SIGLEC9: variants seen among roughly 807,000 people sequenced by gnomAD.
SIGLEC9 encodes the protein sialic acid-binding Ig-like lectin 9.
In SIGLEC9, 26 loss-of-function variants were observed where a neutral mutation model predicts 38.3. That is an observed-to-expected ratio of 0.68 (90% confidence interval 0.50 to 0.94). SIGLEC9 has a LOEUF of 0.94. Among genes scored for constraint, SIGLEC9 ranks in the 40% least tolerant of loss-of-function variants. The pLI is 0.00. For missense variants in SIGLEC9, 556 were observed against 585.7 expected (o/e 0.95, Z 0.52); for synonymous variants, 236 against 248.0 (o/e 0.95, Z 0.45).
At position 51,128,395 on chromosome 19, in the gene SIGLEC9, C is replaced by T. The variant is rs201135231; in HGVS notation, c.1107-19C>T. ...CCCAATCTGACCACACTGAAAGGCT[C>T]TCTGGTCTCTTCACTCAGAGTGAGG... On this transcript the variant is annotated intron_variant, in intron 5 of 6. Transcript: ENST00000250360. The T allele has an allele frequency of 1.1e-5, 17 of 1,612,840 alleles. No individual in the cohort carries two copies. Among genetic ancestry groups the T allele is most frequent in the Non-Finnish European group, 1.4e-5 (17 of 1,178,978 alleles).
chr19:51,120,026 C>T, upstream of SIGLEC9: 1 of 185,874 alleles, frequency 5.4e-6, no homozygotes, highest in Non-Finnish European at 1.1e-5. This position sits in a 1 kb window ranked among gnomAD's most constrained non-coding sequence, Gnocchi z 4.1. Flanking sequence ...AGGGAATGTG[C>T]AGGCATGTGC....
At chr19:51,124,199 C>A (rs1054109994), upstream of SIGLEC9, among the ~76,000 whole-genome samples, 2 of 152,192 alleles carry the variant, frequency 1.3e-5, no homozygotes, top group African/African-American at 4.8e-5. Context: ...GTACAACAGT[C>A]ACAGCCTCAG....
Position 51,128,453 on chromosome 19 carries a change from G to A in SIGLEC9, c.1146G>A (p.Ala382=), listed in dbSNP as rs867190. The A allele has an allele frequency of 4.5e-3, 7,269 of 1,614,036 alleles. 315 individuals carry two copies. In the African/African-American group the frequency reaches 0.087, roughly 19 times the overall value. The change falls in exon 6 of 7, where the codon GCG becomes GCA. Residue 382 remains alanine, a synonymous_variant. Transcript: ENST00000250360. The stretch of plus-strand genomic sequence containing the variant: ...GGAAGAAATCGGCAAGGCCAGCAGC[G>A]GGCGTGGGAGATACGGGCATAGAGG... ...SCRKKSARPA[A]GVGDTGIEDA...
intron 4 of SIGLEC9, 82 bp downstream of exon 4, chr19:51,127,378 T>C (rs1299019670): frequency 1.4e-6 from 2 of 1,412,724 alleles, no homozygotes; most frequent in Non-Finnish European, 9.5e-7. Context: ...GCGTGGACCT[T>C]CAGAGAGGAG....
At chr19:51,121,582 C>CTT (rs374127142), upstream of SIGLEC9, among the ~76,000 whole-genome samples, 92 of 123,764 alleles carry the variant, frequency 7.4e-4, no homozygotes, top group African/African-American at 1.3e-3. Context: ...CCTTTGCTGT[C>CTT]TTTTTTTTTT....
upstream of SIGLEC9, among the ~76,000 whole-genome samples, chr19:51,121,523 G>A (rs755462779): frequency 1.5e-4 from 23 of 150,826 alleles, no homozygotes; most frequent in African/African-American, 2.4e-4. Flanking sequence ...AATGTCTCCC[G>A]TCATGCCCTC....
chr19:51,127,086 C>T lies in SIGLEC9; in HGVS notation c.805C>T (p.Arg269Cys), dbSNP rs761516961. The change falls in exon 4 of 7, where the codon CGC becomes TGC. Residue 269 changes from arginine (R) to cysteine (C), a missense_variant. Coordinates refer to ENST00000250360, the MANE Select transcript of SIGLEC9 (RefSeq NM_014441.3). ...GTCACTCCCAGAGGGCCAGTCTCTG[C>T]GCCTGGTCTGTGCAGTTGATGCAGT... ...SLSLPEGQSLRLVCAVDAVDS... is the reference protein window; with the variant it reads ...SLSLPEGQSLCLVCAVDAVDS... The T allele has an allele frequency of 8.7e-6, 14 of 1,614,050 alleles. No individual in the cohort carries two copies. Among genetic ancestry groups the T allele is most frequent in the Admixed American group, 8.3e-5 (5 of 60,008 alleles).
downstream of SIGLEC9, among the ~76,000 whole-genome samples, chr19:51,133,719 C>T (rs980351600): frequency 6.6e-6 from 1 of 152,044 alleles, no homozygotes; most frequent in African/African-American, 2.4e-5. Context: ...AAAGTAAAAG[C>T]GGAGACTATA....
At chr19:51,126,236 G>C in intron 3 of SIGLEC9, 108 bp downstream of exon 3, 1 of 1,110,684 alleles carries the variant, frequency 9.0e-7, no homozygotes, top group Non-Finnish European at 1.4e-6. Flanking sequence ...GGATGTCCTT[G>C]TGGGTGAACT....
upstream of SIGLEC9, chr19:51,120,254 G>A (rs2091948012): frequency 6.6e-6 from 1 of 152,288 alleles, no homozygotes; most frequent in Non-Finnish European, 1.5e-5. This position sits in a 1 kb window ranked among gnomAD's most constrained non-coding sequence, Gnocchi z 4.1. Flanking sequence ...GGCGGATACA[G>A]GGACGTACTT....
intron 4 of SIGLEC9, 140 bp from the exon 5 acceptor site, chr19:51,127,809 G>T: frequency 1.7e-6 from 1 of 578,718 alleles, no homozygotes. Context: ...GTCTCTCCAT[G>T]TCCTGCTCTC....
intron 4 of SIGLEC9, among the ~76,000 whole-genome samples, chr19:51,127,667 A>G (rs1186408190): frequency 9.2e-5 from 14 of 152,270 alleles, no homozygotes; most frequent in Admixed American, 9.2e-4. Context: ...TCATATTGCA[A>G]TGCAATAATC....
At chr19:51,133,374 AC>A (rs1294778486), downstream of SIGLEC9, among the ~76,000 whole-genome samples, 8 of 151,420 alleles carry the variant, frequency 5.3e-5, no homozygotes, top group African/African-American at 1.2e-4. Context: ...GGAGTTCAAG[AC>A]CAGCCTGGAT....
downstream of SIGLEC9, among the ~76,000 whole-genome samples, chr19:51,134,556 AT>A (rs971691861): frequency 3.2e-4 from 49 of 152,346 alleles, no homozygotes; most frequent in African/African-American, 1.1e-3. Flanking sequence ...ATTTTACTGT[AT>A]GTAAATTTAC....
At chr19:51,128,550 G>C in intron 6 of SIGLEC9, 40 bp downstream of exon 6, 2 of 1,579,302 alleles carry the variant, frequency 1.3e-6, no homozygotes, top group Non-Finnish European at 1.7e-6. Context: ...ATGTAGCCTG[G>C]ACACCTCCCA....
At position 51,125,167 on chromosome 19, in the gene SIGLEC9, G is replaced by C; in HGVS notation, c.193G>C (p.Gly65Arg). 9.3e-6 allele frequency: 15 copies of C among 1,614,104 alleles called. No homozygotes were observed. The highest frequency in any genetic ancestry group is 1.3e-5 in the Non-Finnish European group (15 of 1,180,008). The change falls in exon 1 of 7, where the codon GGG (glycine) becomes CGG (arginine). Residue 65 changes from glycine to arginine, a missense_variant. Physicochemically the swap from Gly to Arg is moderately radical, Grantham distance 125. Transcript: ENST00000250360. The part of the protein sequence containing the change: ...PVVHGYWFRE[G>R]ANTDQDAPVA... ...AGTTCATGGCTACTGGTTCCGGGAAGGGGCCAATACAGACCAGGATGCTCC... is the reference window on the plus strand; with the variant it reads ...AGTTCATGGCTACTGGTTCCGGGAACGGGCCAATACAGACCAGGATGCTCC...
chr19:51,119,808 C>T, the SIGLEC9 span, among the ~76,000 whole-genome samples: 2 of 152,178 alleles, frequency 1.3e-5, no homozygotes, highest in African/African-American at 4.8e-5. Flanking sequence ...CCAGACTGTC[C>T]TGGGGCAGTG....
intron 4 of SIGLEC9, 69 bp from the exon 5 acceptor site, chr19:51,127,880 A>G: frequency 1.1e-6 from 1 of 884,136 alleles, no homozygotes; most frequent in Non-Finnish European, 1.9e-6. Flanking sequence ...AGGACCCTAC[A>G]GGAAGTGGGA....
intron 5 of SIGLEC9, 59 bp from the exon 6 acceptor site, chr19:51,128,355 G>A: frequency 1.3e-6 from 2 of 1,572,454 alleles, no homozygotes; most frequent in Non-Finnish European, 8.7e-7. Context: ...GGGGTACCTG[G>A]TCTGCCCACC....
Sources: gnomAD v4.1 joint callset for allele counts (sites outside exome capture counted in the v4.1 genomes callset) on GRCh38, gnomAD v4.1.1 for gene constraint, Gnocchi (gnomAD v3.1) non-coding constraint, MANE v1.5 for transcripts, NCBI Gene and HGNC (gene_info 2026-07-23, HGNC 2026-07-21) for gene names.